WDPCP: variants seen among roughly 807,000 people sequenced by gnomAD.
The protein encoded by WDPCP is WD repeat containing planar cell polarity effector, also known as WD repeat-containing and planar cell polarity effector protein fritz homolog.
In WDPCP, 71 loss-of-function variants were observed where a neutral mutation model predicts 93.1. The ratio of observed to expected loss-of-function variants is 0.76; its 90% confidence interval spans 0.63 to 0.93. The LOEUF (loss-of-function observed/expected upper bound fraction) is 0.93. WDPCP is among the 40% of genes least tolerant of loss of function. The pLI is 0.00. For synonymous variants in WDPCP, 315 were observed against 315.0 expected (o/e 1.00, Z 0.00); for missense variants, 844 against 887.4 (o/e 0.95, Z 0.62).
intron 2 of WDPCP, among the ~76,000 whole-genome samples, chr2:63,651,414 G>A (rs561265099): frequency 2.0e-5 from 3 of 151,280 alleles, no homozygotes; most frequent in South Asian, 4.2e-4. Context: ...TTTCAATTAG[G>A]GTTTTCCAGA....
rs1385404814 is a variant in WDPCP, at chr2:63,752,202, T to G, written n.308+61420A>C. 2.5e-5 allele frequency: 17 copies of G among 674,746 alleles called. No homozygotes were observed. The East Asian group carries it at 2.7e-4, about 11-fold the overall frequency. The allele number at this position is 674,746 out of a possible 1,614,324, so 41.8% of individuals were successfully genotyped here. On this transcript the variant is annotated intron_variant and non_coding_transcript_variant, in intron 2 of 4. Coordinates refer to the WDPCP transcript ENST00000467687. ...AGCTTATAAAGACAAAGCTCCTTTT[T>G]TTTTTTGCCACTGCCTCAATCAGTC...
intron 12 of WDPCP, among the ~76,000 whole-genome samples, chr2:63,342,724 T>C (rs1688933569): frequency 1.3e-5 from 2 of 152,208 alleles, no homozygotes; most frequent in African/African-American, 4.8e-5. Context: ...TTTTAATTAT[T>C]GTTTCATGTA....
intron 3 of WDPCP, among the ~76,000 whole-genome samples, chr2:63,615,257 C>A (rs980251644): frequency 6.6e-6 from 1 of 152,302 alleles, no homozygotes; most frequent in African/African-American, 2.4e-5. Flanking sequence ...CCAGTAAACA[C>A]AATGGGCCTT....
chr2:63,814,802 T>G (rs1349963052), intron 1 of WDPCP, among the ~76,000 whole-genome samples: 1 of 152,234 alleles, frequency 6.6e-6, no homozygotes, highest in Non-Finnish European at 1.5e-5. Flanking sequence ...CTTCACTGTC[T>G]TTTCTGTTAC....
At chr2:63,427,841 A>C (rs1336853441) in intron 9 of WDPCP, among the ~76,000 whole-genome samples, 1 of 152,174 alleles carries the variant, frequency 6.6e-6, no homozygotes, top group African/African-American at 2.4e-5. Flanking sequence ...TAGATTAATA[A>C]GACAAAAAGA....
At chr2:63,793,234 G>A (rs1326752914) in intron 2 of WDPCP, among the ~76,000 whole-genome samples, 1 of 151,884 alleles carries the variant, frequency 6.6e-6, no homozygotes, top group Non-Finnish European at 1.5e-5. Context: ...TGATCCTCTT[G>A]CCTCAGCCTC....
intron 11 of WDPCP, 120 bp downstream of exon 11, chr2:63,381,786 T>G: frequency 9.6e-7 from 1 of 1,041,086 alleles, no homozygotes; most frequent in African/African-American, 1.6e-5. Context: ...AATAGAGCAC[T>G]AACATTTTTA....
chr2:63,305,669 C>T (rs1685676680), intron 13 of WDPCP, among the ~76,000 whole-genome samples: 2 of 152,096 alleles, frequency 1.3e-5, no homozygotes, highest in East Asian at 3.9e-4. Context: ...ATCACAGCTC[C>T]TTGCCAGCAA....
chr2:63,649,509 C>T (rs1710086480), intron 3 of WDPCP, among the ~76,000 whole-genome samples: 1 of 151,558 alleles, frequency 6.6e-6, no homozygotes, highest in African/African-American at 2.4e-5. Flanking sequence ...GCTATAAACA[C>T]ATTTGTGTAC....
intron 2 of WDPCP, among the ~76,000 whole-genome samples, chr2:63,762,856 G>A (rs1670078022): frequency 1.3e-5 from 2 of 152,116 alleles, no homozygotes; most frequent in South Asian, 4.1e-4. Flanking sequence ...GTTTCAACAT[G>A]AATTTTGGAG....
chr2:63,239,797 G>A (rs964178690), intron 14 of WDPCP, among the ~76,000 whole-genome samples: 3 of 151,942 alleles, frequency 2.0e-5, no homozygotes, highest in South Asian at 2.1e-4. Context: ...TTAGTATAAC[G>A]TCTTTTAAAG....
At chr2:63,624,983 A>G (rs1376096033) in intron 3 of WDPCP, among the ~76,000 whole-genome samples, 1 of 152,236 alleles carries the variant, frequency 6.6e-6, no homozygotes, top group South Asian at 2.1e-4. Context: ...ATCCACCACT[A>G]TCAAGTGAGC....
chr2:63,269,438 T>C (rs536463625), intron 13 of WDPCP, among the ~76,000 whole-genome samples: 1 of 152,296 alleles, frequency 6.6e-6, no homozygotes, highest in East Asian at 1.9e-4. Flanking sequence ...TGTCTATACA[T>C]GTAAGATCTA....
intron 1 of WDPCP, among the ~76,000 whole-genome samples, chr2:63,509,898 G>A (rs767709725): frequency 4.6e-5 from 7 of 152,032 alleles, no homozygotes; most frequent in Non-Finnish European, 7.4e-5. Context: ...TTGAATCCCT[G>A]AACAGACCAA....
intron 3 of WDPCP, among the ~76,000 whole-genome samples, chr2:63,624,963 C>G (rs1709794808): frequency 6.6e-6 from 1 of 152,200 alleles, no homozygotes; most frequent in African/African-American, 2.4e-5. Flanking sequence ...AGCAGCACAT[C>G]AAAAGGCTGA....
chr2:63,808,848 G>T (rs1012381983), intron 2 of WDPCP, among the ~76,000 whole-genome samples: 5 of 151,638 alleles, frequency 3.3e-5, no homozygotes, highest in Admixed American at 1.3e-4. Flanking sequence ...GCCCAGTCTG[G>T]AAAGTGAGGA....
rs397872785 is a variant in WDPCP at position 63,204,336 on chromosome 2, C to CTTTTT, written c.1916-29509_1916-29505dup. ...AGCACATTTTTATATGCCCGTTTGC[C>CTTTTT]TTTTTTTTTTTTTTTTTTTTTTGAG... On this transcript the variant is annotated intron_variant, in intron 14 of 17. Coordinates refer to ENST00000272321, the MANE Select transcript of WDPCP (RefSeq NM_015910.7). Among the ~76,000 whole-genome samples, 10 of 92,284 alleles carry CTTTTT rather than the reference C, an allele frequency of 1.1e-4. 1 individual carries two copies. Among genetic ancestry groups the CTTTTT allele is most frequent in the East Asian group, 2.7e-4 (1 of 3,642 alleles). 60.5% of individuals were successfully genotyped at this position (92,284 alleles called of 152,430 possible).
intron 1 of WDPCP, among the ~76,000 whole-genome samples, chr2:63,511,796 T>C (rs910777996): frequency 6.6e-6 from 1 of 152,146 alleles, no homozygotes; most frequent in South Asian, 2.1e-4. Flanking sequence ...ATGAAAACCC[T>C]AGAAGAAAAC....
intron 1 of WDPCP, among the ~76,000 whole-genome samples, chr2:63,516,848 C>T (rs1702587619): frequency 6.6e-6 from 1 of 152,038 alleles, no homozygotes; most frequent in Admixed American, 6.5e-5. Context: ...CCACTCTTAA[C>T]ACAAACTCTT....
Sources: gnomAD v4.1 joint callset for allele counts (sites outside exome capture counted in the v4.1 genomes callset) on GRCh38, gnomAD v4.1.1 for gene constraint, MANE v1.5 for transcripts, NCBI Gene and HGNC (gene_info 2026-07-23, HGNC 2026-07-21) for gene names.